NAALADL2: variants seen among roughly 807,000 people sequenced by gnomAD.
The protein encoded by NAALADL2 is N-acetylated alpha-linked acidic dipeptidase like 2.
A neutral mutation model predicts 87.2 loss-of-function variants in NAALADL2; 76 were observed. The ratio of observed to expected loss-of-function variants is 0.87; its 90% CI spans 0.72 to 1.05. The LOEUF is 1.05. Ranked by LOEUF, NAALADL2 falls within the 50% of genes least tolerant of loss-of-function variation. The pLI, the probability that NAALADL2 is intolerant of heterozygous loss-of-function variation, is 0.00. For synonymous variants in NAALADL2, 354 were observed against 331.0 expected, an observed-to-expected ratio of 1.07 and a Z score of -0.75; for missense variants, 1,089 against 945.8, an observed-to-expected ratio of 1.15 and a Z score of -1.99.
At chr3:175,504,528 A>T (rs974706826) in intron 9 of NAALADL2, among the ~76,000 whole-genome samples, 1 of 151,830 alleles carries the variant, frequency 6.6e-6, no homozygotes, top group African/African-American at 2.4e-5. Context: ...ACGAGAAAAG[A>T]AAGTTTTCTC....
chr3:175,475,252 G>A (rs76716052), intron 9 of NAALADL2, among the ~76,000 whole-genome samples: 1,733 of 151,978 alleles, frequency 0.011, 36 homozygotes, highest in African/African-American at 0.04. Context: ...CTCCTTAAAT[G>A]TACAAAAAGA....
intron 2 of NAALADL2, among the ~76,000 whole-genome samples, chr3:174,577,814 G>A (rs189210856): frequency 1.8e-4 from 28 of 152,038 alleles, no homozygotes; most frequent in Non-Finnish European, 1.0e-4. Flanking sequence ...TTACTCAGAC[G>A]AATCAGATCT....
At chr3:175,181,703 A>ATATATATATG (rs1227887005) in intron 2 of NAALADL2, among the ~76,000 whole-genome samples, 8 of 106,842 alleles carry the variant, frequency 7.5e-5, no homozygotes, top group African/African-American at 3.1e-4. Context: ...ATATATATAT[A>ATATATATATG]TGTGTGTGTG....
At chr3:175,004,133 G>A (rs1748671079) in intron 1 of NAALADL2, among the ~76,000 whole-genome samples, 1 of 152,086 alleles carries the variant, frequency 6.6e-6, no homozygotes, top group African/African-American at 2.4e-5. Context: ...CCCAGCACTG[G>A]GAGGCCAAGG....
intron 9 of NAALADL2, among the ~76,000 whole-genome samples, chr3:175,534,178 C>G (rs898616302): frequency 6.6e-6 from 1 of 151,390 alleles, no homozygotes; most frequent in African/African-American, 2.4e-5. Flanking sequence ...AACAAAATAA[C>G]TCCATCCTTA....
chr3:174,931,691 A>AGACATG (rs1375366989), intron 1 of NAALADL2, among the ~76,000 whole-genome samples: 2 of 152,164 alleles, frequency 1.3e-5, no homozygotes, highest in African/African-American at 2.4e-5. Context: ...GTAAGAACAA[A>AGACATG]GACATGGACA....
intron 11 of NAALADL2, among the ~76,000 whole-genome samples, chr3:175,677,730 G>C (rs1353873071): frequency 1.3e-5 from 2 of 152,100 alleles, no homozygotes; most frequent in African/African-American, 4.8e-5. Flanking sequence ...TATTTGAGTT[G>C]CCTTGTGTAT....
chr3:174,745,877 C>A (rs925251836), intron 3 of NAALADL2, among the ~76,000 whole-genome samples: 1 of 152,058 alleles, frequency 6.6e-6, no homozygotes, highest in African/African-American at 2.4e-5. Flanking sequence ...TAAAATTCAA[C>A]CTCCCTTCAT....
intron 2 of NAALADL2, among the ~76,000 whole-genome samples, chr3:175,185,432 A>G (rs888000681): frequency 6.6e-6 from 1 of 152,084 alleles, no homozygotes; most frequent in Non-Finnish European, 1.5e-5. Flanking sequence ...AAGAAAATGT[A>G]TGAAGTAGAT....
At chr3:174,642,727 A>G (rs1316818713) in intron 2 of NAALADL2, among the ~76,000 whole-genome samples, 2 of 143,260 alleles carry the variant, frequency 1.4e-5, no homozygotes, top group Non-Finnish European at 1.5e-5. Context: ...ACTAAAAGTA[A>G]TATCAGTGCC....
At chr3:174,821,183 T>C (rs542193172) in intron 3 of NAALADL2, among the ~76,000 whole-genome samples, 3 of 152,320 alleles carry the variant, frequency 2.0e-5, no homozygotes, top group African/African-American at 7.2e-5. Context: ...GTAAAATCAA[T>C]GCTTTGCTTC....
chr3:175,635,420 A>G (rs1354708504), intron 11 of NAALADL2, among the ~76,000 whole-genome samples: 1 of 152,152 alleles, frequency 6.6e-6, no homozygotes, highest in African/African-American at 2.4e-5. Flanking sequence ...CATACTTTTA[A>G]AAATCTTATA....
chr3:175,043,970 A>T (rs1754385300), intron 1 of NAALADL2, among the ~76,000 whole-genome samples: 1 of 152,172 alleles, frequency 6.6e-6, no homozygotes, highest in Non-Finnish European at 1.5e-5. Flanking sequence ...TTTACATAAT[A>T]CAAATATTTG....
intron 1 of NAALADL2, among the ~76,000 whole-genome samples, chr3:174,966,335 T>C (rs1451241254): frequency 6.6e-6 from 1 of 152,192 alleles, no homozygotes; most frequent in Admixed American, 6.5e-5. Flanking sequence ...CCATGGTGCA[T>C]TCACATGATC....
intron 1 of NAALADL2, among the ~76,000 whole-genome samples, chr3:175,056,487 C>A (rs1042245341): frequency 6.6e-6 from 1 of 152,106 alleles, no homozygotes; most frequent in African/African-American, 2.4e-5. Context: ...TGGATTCGAG[C>A]CCCCACGTAT....
chr3:175,621,257 C>T (rs2149700772), intron 10 of NAALADL2, among the ~76,000 whole-genome samples: 1 of 152,268 alleles, frequency 6.6e-6, no homozygotes, highest in South Asian at 2.1e-4. Flanking sequence ...ATCACCCATT[C>T]CCCCTCCTAA....
intron 2 of NAALADL2, among the ~76,000 whole-genome samples, chr3:174,705,802 T>A (rs373172067): frequency 3.7e-4 from 42 of 114,596 alleles, no homozygotes; most frequent in African/African-American, 6.1e-4. Flanking sequence ...AAAAAAAAAA[T>A]GTCAGTTCTG....
At chr3:175,168,560 G>A (rs1415762352) in intron 2 of NAALADL2, among the ~76,000 whole-genome samples, 1 of 151,722 alleles carries the variant, frequency 6.6e-6, no homozygotes, top group African/African-American at 2.4e-5. Context: ...ATAATCAAAA[G>A]TATGAAAATA....
chr3:174,834,965 T>G (rs1182291670), intron 3 of NAALADL2, among the ~76,000 whole-genome samples: 1 of 151,866 alleles, frequency 6.6e-6, no homozygotes, highest in African/African-American at 2.4e-5. Context: ...ATGTGAAATT[T>G]CTAGGATAGT....
Sources: allele counts gnomAD v4.1 joint callset (sites outside exome capture counted in the v4.1 genomes callset), GRCh38; gene constraint gnomAD v4.1.1; transcripts MANE v1.5; gene names NCBI Gene and HGNC (gene_info 2026-07-23, HGNC 2026-07-21).